Variants in TENM1 observed in about 807,000 individuals in gnomAD.
The protein encoded by TENM1 is teneurin transmembrane protein 1.
Under a neutral mutation model 174.8 loss-of-function variants are expected in TENM1, and 35 were observed. The observed-to-expected ratio is 0.20, with a 90% CI of 0.15 to 0.27. TENM1 has a LOEUF of 0.27. Among genes scored for constraint, TENM1 ranks in the 10% least tolerant of loss-of-function variants. TENM1 has a pLI of 1.00. For synonymous variants in TENM1, 781 were observed against 798.7 expected, an observed-to-expected ratio of 0.98 and a Z score of 0.37; for missense variants, 1,633 against 2,130.1, an observed-to-expected ratio of 0.77 and a Z score of 4.59.
intron 3 of TENM1, among the ~76,000 whole-genome samples, chrX:124,848,601 C>A (rs1226616279): frequency 1.8e-5 from 2 of 110,965 alleles, no homozygotes; most frequent in South Asian, 3.8e-4. Flanking sequence ...CCATCAATTC[C>A]ATTTCTAGGG....
At chrX:124,719,047 A>G (rs1330633241) in intron 4 of TENM1, among the ~76,000 whole-genome samples, 1 of 111,641 alleles carries the variant, frequency 9.0e-6, no homozygotes, top group Admixed American at 9.5e-5. Context: ...CAAAATGTCA[A>G]TAGTGGTGAA....
In TENM1 at chrX:124,443,758, T is replaced by C. The variant is rs113511381; in HGVS notation, c.4104+9579A>G. ...ACTAGAAACAAATTTTTTCAAGTGG[T>C]TCTTATTTCCTTTTAAACAGAGTTA... On this transcript the variant is annotated intron_variant, in intron 23 of 31. Transcript: ENST00000422452. Among the ~76,000 whole-genome samples the C allele has an allele frequency of 3.1e-3, 345 of 111,819 alleles. 4 individuals are homozygous for C. Among genetic ancestry groups the C allele is most frequent in the African/African-American group, 0.011 (331 of 30,814 alleles).
intron 18 of TENM1, among the ~76,000 whole-genome samples, chrX:124,518,787 C>T (rs183932647): frequency 1.2e-3 from 137 of 111,319 alleles, no homozygotes; most frequent in African/African-American, 4.0e-3. Flanking sequence ...TATTTGAACC[C>T]GGGGAAGGAG....
chrX:124,955,036 T>C (rs1185512624), intron 1 of TENM1, among the ~76,000 whole-genome samples: 1 of 112,123 alleles, frequency 8.9e-6, no homozygotes, highest in Non-Finnish European at 1.9e-5. Flanking sequence ...GCAGTGAACA[T>C]TCCCCTTTCA....
chrX:124,830,725 A>C (rs1460495226), intron 3 of TENM1, among the ~76,000 whole-genome samples: 4 of 111,479 alleles, frequency 3.6e-5, no homozygotes, highest in Non-Finnish European at 7.5e-5. Context: ...AAATTAATGA[A>C]GGGCTATGGT....
At chrX:125,190,673 T>A in the TENM1 span, among the ~76,000 whole-genome samples, 1,736 of 111,543 alleles carry the variant, frequency 0.016, 12 homozygotes, top group Non-Finnish European at 0.025. Flanking sequence ...ATGGGTTTAT[T>A]ATCTTTGTTT....
chrX:124,979,951 T>A, the TENM1 span, among the ~76,000 whole-genome samples: 1 of 112,153 alleles, frequency 8.9e-6, no homozygotes, highest in Non-Finnish European at 1.9e-5. Context: ...TCTAAAGATA[T>A]TAAAGATTTA....
intron 3 of TENM1, among the ~76,000 whole-genome samples, chrX:124,771,408 C>A (rs1475964429): frequency 8.9e-6 from 1 of 112,300 alleles, no homozygotes; most frequent in Non-Finnish European, 1.9e-5. Context: ...GGAGACAGAC[C>A]AATTAAGGTA....
chrX:124,380,664 G>A (rs1050299694), exon 32 of TENM1: 2 of 1,209,998 alleles, frequency 1.7e-6, no homozygotes, highest in African/African-American at 3.5e-5. Flanking sequence ...GTGCTCAAAA[G>A]CTGCTGCTTT....
intron 4 of TENM1, among the ~76,000 whole-genome samples, chrX:124,710,445 A>G (rs2053019498): frequency 8.9e-6 from 1 of 111,901 alleles, no homozygotes; most frequent in Admixed American, 9.6e-5. Context: ...AATATGTTGG[A>G]TATTGATTTG....
chrX:124,528,133 C>A (rs914655816), intron 16 of TENM1, among the ~76,000 whole-genome samples: 1 of 109,385 alleles, frequency 9.1e-6, no homozygotes, highest in Non-Finnish European at 1.9e-5. Flanking sequence ...AATGTTTACA[C>A]CTTTATGGAG....
At chrX:124,779,839 AT>A (rs1333471065) in intron 3 of TENM1, among the ~76,000 whole-genome samples, 1 of 111,733 alleles carries the variant, frequency 8.9e-6, no homozygotes, top group African/African-American at 3.3e-5. Context: ...TACTATTCTC[AT>A]TTTACAGATG....
intron 27 of TENM1, among the ~76,000 whole-genome samples, chrX:124,399,756 C>T (rs932066350): frequency 1.8e-5 from 2 of 111,134 alleles, no homozygotes; most frequent in Non-Finnish European, 3.8e-5. Context: ...GGCTTGAGTC[C>T]AGGAGTTCAA....
chrX:124,871,135 T>G (rs2057101400), intron 3 of TENM1, among the ~76,000 whole-genome samples: 1 of 111,982 alleles, frequency 8.9e-6, no homozygotes, highest in African/African-American at 3.2e-5. Flanking sequence ...CCACTGACCA[T>G]CTTCTCCCTT....
chrX:124,619,808 T>G (rs925615017), intron 11 of TENM1, among the ~76,000 whole-genome samples: 1 of 112,093 alleles, frequency 8.9e-6, no homozygotes, highest in Admixed American at 9.5e-5. Context: ...ACTATCAATA[T>G]GAGTTTGAAC....
At chrX:125,158,401 C>CAAA in the TENM1 span, among the ~76,000 whole-genome samples, 5 of 36,525 alleles carry the variant, frequency 1.4e-4, no homozygotes, top group East Asian at 1.1e-3. Context: ...GAATCCATCT[C>CAAA]AAAAAAAAAA....
At chrX:125,158,007 C>G in the TENM1 span, among the ~76,000 whole-genome samples, 3 of 111,036 alleles carry the variant, frequency 2.7e-5, no homozygotes, top group Non-Finnish European at 5.7e-5. Flanking sequence ...TACACATAAC[C>G]CTAACCTGAA....
the TENM1 span, among the ~76,000 whole-genome samples, chrX:125,074,202 A>G: frequency 9.0e-6 from 1 of 111,192 alleles, no homozygotes; most frequent in Non-Finnish European, 1.9e-5. Context: ...CAGTTCTCAC[A>G]TGACTCCAAG....
chrX:124,665,441 T>TGTTA (rs10629364), intron 6 of TENM1, among the ~76,000 whole-genome samples: 3,240 of 112,664 alleles, frequency 0.029, 100 homozygotes, highest in African/African-American at 0.099. Flanking sequence ...AAGTGCAAGC[T>TGTTA]GTGTTATATA....
Sources: gnomAD v4.1 joint callset for allele counts (sites outside exome capture counted in the v4.1 genomes callset) on GRCh38, gnomAD v4.1.1 for gene constraint, MANE v1.5 for transcripts, NCBI Gene and HGNC (gene_info 2026-07-23, HGNC 2026-07-21) for gene names.